The following MACO1 variants were observed in gnomAD, a reference collection of about 807,000 sequenced individuals.
The protein encoded by MACO1 is macoilin.
A neutral mutation model predicts 78.7 loss-of-function variants in MACO1; 14 were observed. The observed-to-expected ratio is 0.18, with a 90% confidence interval of 0.12 to 0.28. The LOEUF is 0.28. Ranked by LOEUF, MACO1 falls within the 10% of genes least tolerant of loss-of-function variation. MACO1 has a pLI of 1.00. For missense variants in MACO1, 501 were observed against 799.0 expected (o/e 0.63, Z 4.50); for synonymous variants, 288 against 291.6 (o/e 0.99, Z 0.12).
chr1:25,453,441 A>C (rs1267478747), intron 3 of MACO1, among the ~76,000 whole-genome samples: 1 of 151,144 alleles, frequency 6.6e-6, no homozygotes, highest in Non-Finnish European at 1.5e-5. Flanking sequence ...AGGTGGGCGG[A>C]TCACGAGGTC....
At chr1:25,431,313 C>G (rs1460817681) in intron 1 of MACO1, 135 bp downstream of exon 1, 1 of 405,484 alleles carries the variant, frequency 2.5e-6, no homozygotes, top group East Asian at 6.1e-5. Flanking sequence ...GCGCTGGCCC[C>G]GGAGCCGCTG....
At chr1:25,449,655 G>A (rs2043047201) in intron 3 of MACO1, among the ~76,000 whole-genome samples, 1 of 152,086 alleles carries the variant, frequency 6.6e-6, no homozygotes, top group South Asian at 2.1e-4. Context: ...GCCACAGCTT[G>A]CTGATTTCTT....
At chr1:25,486,394 A>G (rs1557675756) in intron 8 of MACO1, among the ~76,000 whole-genome samples, 1 of 152,160 alleles carries the variant, frequency 6.6e-6, no homozygotes, top group African/African-American at 2.4e-5. Flanking sequence ...CCTGTGTGCA[A>G]GTATTCCAAA....
rs571707953 is a variant in MACO1 at position 25,485,987 on chromosome 1, C to T, written c.1496+192C>T. Among the ~76,000 whole-genome samples the T allele has an allele frequency of 6.6e-6, 1 of 152,242 alleles. No homozygotes were observed. The highest frequency in any genetic ancestry group is 2.1e-4 in the South Asian group (1 of 4,816). On this transcript the variant is annotated intron_variant, in intron 8 of 10. Coordinates refer to ENST00000374343, the MANE Select transcript of MACO1 (RefSeq NM_018202.6). This position sits in a 1 kb window ranked among gnomAD's most constrained non-coding sequence, Gnocchi z 4.3. ...TTGCACTATCTTATAACAGCTTTAT[C>T]CCTCAGTGACCTCATCTATAAAGTG...
chr1:25,470,627 G>A (rs2043258982), intron 6 of MACO1, among the ~76,000 whole-genome samples: 1 of 152,182 alleles, frequency 6.6e-6, no homozygotes, highest in Non-Finnish European at 1.5e-5. Context: ...TATCTTGAAA[G>A]GTGCAAGCCC....
Position 25,431,295 on chromosome 1 carries a change from C to T in MACO1, c.80+117C>T, listed in dbSNP as rs1571942051. Reference sequence around the variant, plus strand: ...GCCGCACGCCCGCGCCGGGGGCTCTCCTAAGGAGCGCTGGCCCCGGAGCCG... The same window carrying T: ...GCCGCACGCCCGCGCCGGGGGCTCTTCTAAGGAGCGCTGGCCCCGGAGCCG... On this transcript the variant is annotated intron_variant, in intron 1 of 10. Transcript: ENST00000374343. 6 of 654,906 alleles carry T rather than the reference C, an allele frequency of 9.2e-6. No homozygotes were observed. The East Asian group carries it at 1.6e-4, about 17-fold the overall frequency. The allele number at this position is 654,906 out of a possible 1,614,324, so 40.6% of individuals were successfully genotyped here.
intron 6 of MACO1, among the ~76,000 whole-genome samples, chr1:25,474,652 C>T (rs924241036): frequency 6.6e-6 from 1 of 152,158 alleles, no homozygotes; most frequent in Non-Finnish European, 1.5e-5. Flanking sequence ...GGTTTGGGGC[C>T]TTCTGGCATT....
intron 8 of MACO1, among the ~76,000 whole-genome samples, chr1:25,486,136 C>T (rs987990573): frequency 9.9e-5 from 15 of 152,274 alleles, no homozygotes; most frequent in African/African-American, 3.4e-4. Context: ...TCTGGAAGTT[C>T]GTTCCCTTTA....
chr1:25,445,130 A>AT (rs2043004173), intron 1 of MACO1, among the ~76,000 whole-genome samples: 1 of 88,522 alleles, frequency 1.1e-5, no homozygotes, highest in Non-Finnish European at 2.2e-5. Flanking sequence ...TCCCATCTCT[A>AT]TTAAAAAAAA....
At chr1:25,473,864 A>G (rs915525684) in intron 6 of MACO1, among the ~76,000 whole-genome samples, 5 of 152,190 alleles carry the variant, frequency 3.3e-5, no homozygotes, top group African/African-American at 7.2e-5. Context: ...TCTTTTTTAT[A>G]GGTAGAATGA....
At chr1:25,469,626 C>G (rs980913804) in intron 6 of MACO1, among the ~76,000 whole-genome samples, 1 of 150,784 alleles carries the variant, frequency 6.6e-6, no homozygotes, top group African/African-American at 2.5e-5. Context: ...TGCTGTGTAA[C>G]CTCTGACTTT....
intron 1 of MACO1, among the ~76,000 whole-genome samples, chr1:25,446,441 G>A (rs547304913): frequency 1.3e-5 from 2 of 152,316 alleles, no homozygotes; most frequent in South Asian, 4.1e-4. Flanking sequence ...CTGTAATTTT[G>A]AGAGTGTTGC....
intron 1 of MACO1, among the ~76,000 whole-genome samples, chr1:25,440,230 CAAA>C (rs35841483): frequency 9.4e-5 from 9 of 95,856 alleles, no homozygotes; most frequent in Admixed American, 1.1e-4. Context: ...CCCATCTCTA[CAAA>C]AAAAAAAAAA....
intron 9 of MACO1, among the ~76,000 whole-genome samples, chr1:25,489,927 A>G (rs1220250798): frequency 1.3e-5 from 2 of 152,248 alleles, no homozygotes; most frequent in African/African-American, 2.4e-5. Flanking sequence ...GGCATCAGAG[A>G]TAGATGGGAA....
intron 6 of MACO1, among the ~76,000 whole-genome samples, chr1:25,480,913 TAAAAAA>T (rs759266355): frequency 6.2e-5 from 1 of 16,236 alleles, no homozygotes; most frequent in Non-Finnish European, 1.0e-4. Flanking sequence ...GAGACTTGGT[TAAAAAA>T]AAAAAAAAAA....
At chr1:25,462,324 T>G (rs1452141510) in intron 6 of MACO1, among the ~76,000 whole-genome samples, 1 of 152,150 alleles carries the variant, frequency 6.6e-6, no homozygotes, top group African/African-American at 2.4e-5. Flanking sequence ...GAGGTACACG[T>G]GCATTCATAT....
At chr1:25,490,726 T>G (rs2043478209) in intron 9 of MACO1, among the ~76,000 whole-genome samples, 1 of 152,222 alleles carries the variant, frequency 6.6e-6, no homozygotes, top group Admixed American at 6.5e-5. Context: ...CAATAAAAAT[T>G]TTATTTTCAA....
chr1:25,450,430 G>C (rs1571957940), intron 3 of MACO1, among the ~76,000 whole-genome samples: 1 of 152,076 alleles, frequency 6.6e-6, no homozygotes, highest in African/African-American at 2.4e-5. Flanking sequence ...TATGCACTAG[G>C]ATTTGAGGAT....
At chr1:25,454,466 G>GTATATATATATA (rs1182318467) in intron 4 of MACO1, 84 bp downstream of exon 4, 4,556 of 172,266 alleles carry the variant, frequency 0.026, 201 homozygotes, top group Admixed American at 0.086. Context: ...GTGTGTGTGT[G>GTATATATATATA]TGTGTATATA....
Sources: gnomAD v4.1 joint callset for allele counts (sites outside exome capture counted in the v4.1 genomes callset) on GRCh38, gnomAD v4.1.1 for gene constraint, Gnocchi (gnomAD v3.1) non-coding constraint, MANE v1.5 for transcripts, NCBI Gene and HGNC (gene_info 2026-07-23, HGNC 2026-07-21) for gene names.